KAZN: variants seen among roughly 807,000 people sequenced by gnomAD.
The protein encoded by KAZN is kazrin.
Under a neutral mutation model 87.4 loss-of-function variants are expected in KAZN, and 40 were observed. The observed-to-expected ratio is 0.46, with a 90% confidence interval of 0.36 to 0.60. KAZN has a LOEUF of 0.60. KAZN is among the 20% of genes least tolerant of loss of function. The probability of loss-of-function intolerance (pLI) is 0.00; values close to 1 mark genes in which losing one functional copy is unlikely to be tolerated. For synonymous variants in KAZN, 466 were observed against 458.3 expected (o/e 1.02, Z -0.22); for missense variants, 898 against 1,073.9 (o/e 0.84, Z 2.29).
At chr1:14,712,915 G>T (rs7516095) in intron 1 of KAZN, among the ~76,000 whole-genome samples, 39,423 of 152,102 alleles carry the variant, frequency 0.26, 5,743 homozygotes, top group African/African-American at 0.37. Flanking sequence ...CAGCCCTCGT[G>T]GTGCGAAGTA....
intron 1 of KAZN, among the ~76,000 whole-genome samples, chr1:13,955,768 A>T (rs1641520672): frequency 6.6e-6 from 1 of 152,242 alleles, no homozygotes. Flanking sequence ...CTTAAAAGAC[A>T]GTACATTCCT....
chr1:14,225,964 A>G (rs909059855), intron 2 of KAZN, among the ~76,000 whole-genome samples: 1 of 152,168 alleles, frequency 6.6e-6, no homozygotes, highest in Admixed American at 6.6e-5. Flanking sequence ...AGACTTCATG[A>G]TGAAGACTCC....
chr1:14,781,965 T>TG (rs1246770363), intron 1 of KAZN, among the ~76,000 whole-genome samples: 2 of 152,252 alleles, frequency 1.3e-5, no homozygotes, highest in African/African-American at 2.4e-5. Flanking sequence ...CTTTGAGTTC[T>TG]GTGTCTTTGG....
chr1:14,970,044 C>T (rs1458760958), intron 2 of KAZN, among the ~76,000 whole-genome samples: 1 of 152,152 alleles, frequency 6.6e-6, no homozygotes. Flanking sequence ...GAACTCCTGA[C>T]TTCAAGTGAT....
intron 1 of KAZN, among the ~76,000 whole-genome samples, chr1:13,908,241 C>A (rs1639519521): frequency 6.6e-6 from 1 of 152,216 alleles, no homozygotes; most frequent in East Asian, 1.9e-4. Flanking sequence ...AAACAGGCAG[C>A]ATCAACACAT....
chr1:14,674,669 G>A (rs1173520098), intron 1 of KAZN, among the ~76,000 whole-genome samples: 1 of 152,178 alleles, frequency 6.6e-6, no homozygotes, highest in Non-Finnish European at 1.5e-5. Flanking sequence ...ATGTTTCTTT[G>A]GCAGTGTAAC....
chr1:14,870,567 C>A (rs1000093305), intron 1 of KAZN, among the ~76,000 whole-genome samples: 1 of 152,190 alleles, frequency 6.6e-6, no homozygotes, highest in Non-Finnish European at 1.5e-5. Flanking sequence ...TCTCAAACTC[C>A]TGACCTCAAG....
intron 2 of KAZN, among the ~76,000 whole-genome samples, chr1:14,519,191 A>C (rs1452109094): frequency 6.6e-6 from 1 of 152,212 alleles, no homozygotes; most frequent in Non-Finnish European, 1.5e-5. Context: ...TCTGGAATCA[A>C]AGAAATAGCC....
intron 2 of KAZN, among the ~76,000 whole-genome samples, chr1:14,527,487 T>A (rs1162854593): frequency 6.7e-6 from 1 of 149,218 alleles, no homozygotes; most frequent in Non-Finnish European, 1.5e-5. Flanking sequence ...AAGTGGGGGT[T>A]GCAGTGAGCT....
chr1:14,358,122 T>C (rs1438871759), intron 2 of KAZN, among the ~76,000 whole-genome samples: 2 of 152,192 alleles, frequency 1.3e-5, no homozygotes, highest in Admixed American at 6.5e-5. Context: ...ATTCAGGGAT[T>C]CAACTTGTTC....
intron 2 of KAZN, among the ~76,000 whole-genome samples, chr1:14,516,387 A>C (rs1239691523): frequency 1.3e-5 from 2 of 152,196 alleles, no homozygotes; most frequent in Non-Finnish European, 2.9e-5. Context: ...AACTGACCCA[A>C]GCCCTTGGAT....
At chr1:14,491,254 CA>C (rs1404993116) in intron 2 of KAZN, among the ~76,000 whole-genome samples, 7 of 152,040 alleles carry the variant, frequency 4.6e-5, no homozygotes, top group African/African-American at 1.7e-4. Context: ...ATAGTTAATC[CA>C]CCTACTTTAT....
intron 1 of KAZN, among the ~76,000 whole-genome samples, chr1:14,638,585 A>C (rs572711666): frequency 6.6e-6 from 1 of 151,970 alleles, no homozygotes; most frequent in East Asian, 1.9e-4. Context: ...AAAACAAAAA[A>C]AAAAAAACAA....
intron 2 of KAZN, among the ~76,000 whole-genome samples, chr1:14,476,580 A>G (rs2148381201): frequency 6.6e-6 from 1 of 152,374 alleles, no homozygotes; most frequent in East Asian, 1.9e-4. Context: ...TTTTCTTGAT[A>G]TAATAACAAT....
chr1:15,001,425 C>T (rs1325365632), intron 2 of KAZN, among the ~76,000 whole-genome samples: 3 of 151,492 alleles, frequency 2.0e-5, no homozygotes, highest in African/African-American at 4.9e-5. Flanking sequence ...CAGATTGCAC[C>T]ACTACACTTC....
At chr1:13,906,254 C>T (rs919638310) in intron 1 of KAZN, among the ~76,000 whole-genome samples, 7 of 152,176 alleles carry the variant, frequency 4.6e-5, no homozygotes, top group Non-Finnish European at 1.0e-4. Context: ...TTTTGTATTT[C>T]TAAGGATGCC....
rs1167504624 is a variant in KAZN, at chr1:15,115,872, A to G, written c.*1237A>G. On this transcript the variant is annotated 3_prime_UTR_variant, in exon 15 of 15. Coordinates refer to ENST00000376030, the MANE Select transcript of KAZN (RefSeq NM_201628.3). The surrounding 1 kb of genome is among the most constrained non-coding windows in gnomAD (Gnocchi z 4.1). ...ACCTCTCAGGAGACAATGGGAAGTT[A>G]TGGGGTAGCTAATTTCCCATTTACA... The G allele has an allele frequency of 6.6e-6, 1 of 152,234 alleles. No homozygotes were observed. The highest frequency in any genetic ancestry group is 1.9e-4 in the East Asian group (1 of 5,206). The allele number at this position is 152,234 out of a possible 1,614,324, so 9.4% of individuals were successfully genotyped here.
chr1:14,163,503 G>A (rs941661358), intron 1 of KAZN, among the ~76,000 whole-genome samples: 9 of 152,172 alleles, frequency 5.9e-5, no homozygotes, highest in African/African-American at 2.2e-4. Context: ...CTAGAGGAAG[G>A]TCATAGACCA....
At chr1:14,983,473 C>T (rs879413171) in intron 2 of KAZN, among the ~76,000 whole-genome samples, 12 of 152,342 alleles carry the variant, frequency 7.9e-5, no homozygotes, top group Middle Eastern at 3.4e-3. Flanking sequence ...AGGAAAATAG[C>T]GCCCTCACCT....
Sources: allele counts gnomAD v4.1 joint callset (sites outside exome capture counted in the v4.1 genomes callset), GRCh38; gene constraint gnomAD v4.1.1; non-coding constraint Gnocchi (gnomAD v3.1); transcripts MANE v1.5; gene names NCBI Gene and HGNC (gene_info 2026-07-23, HGNC 2026-07-21).